The following BMPER variants were observed in gnomAD, a reference collection of about 807,000 sequenced individuals.
BMPER encodes the protein BMP-binding endothelial regulator protein.
A neutral mutation model predicts 87.3 loss-of-function variants in BMPER; 45 were observed. That is an observed-to-expected ratio of 0.52 (90% CI 0.41 to 0.66). BMPER has a LOEUF of 0.66. Among genes scored for constraint, BMPER ranks in the 30% least tolerant of loss-of-function variants. BMPER has a pLI of 0.00. For synonymous variants in BMPER, 326 were observed against 316.2 expected, an observed-to-expected ratio of 1.03 and a Z score of -0.33; for missense variants, 784 against 867.5, an observed-to-expected ratio of 0.90 and a Z score of 1.21.
rs150003345 is a variant in BMPER at position 33,944,363 on chromosome 7, C to T, written c.319+6975C>T. On this transcript the variant is annotated intron_variant, in intron 3 of 14. Transcript: ENST00000649409. ...TGTATTTTTAGTAGAGATGAGGTTT[C>T]GCTGTGTTGGCCAGGCTCATTTCCA... Among the ~76,000 whole-genome samples, 432 of 152,060 alleles carry T rather than the reference C, an allele frequency of 2.8e-3. 1 individual carries two copies. The highest frequency in any genetic ancestry group is 1.0e-2 in the African/African-American group (414 of 41,480).
rs143121009 is a variant in BMPER, at chr7:34,075,546, C to A, written c.1079-3311C>A. Among the ~76,000 whole-genome samples the A allele has an allele frequency of 1.5e-3, 221 of 152,290 alleles. 3 individuals carry two copies. The highest frequency in any genetic ancestry group is 5.0e-3 in the African/African-American group (207 of 41,566). On this transcript the variant is annotated intron_variant, in intron 11 of 14. Coordinates refer to ENST00000649409, the MANE Select transcript of BMPER (RefSeq NM_001365308.1). The stretch of plus-strand genomic sequence containing the variant: ...TAATGATTTGACCTACAGGACTATG[C>A]AAAAATGTGCCACCAGTCATAAGCT...
chr7:33,990,552 CA>C (rs1220141278), intron 6 of BMPER, among the ~76,000 whole-genome samples: 1 of 151,200 alleles, frequency 6.6e-6, no homozygotes, highest in African/African-American at 2.4e-5. Flanking sequence ...ACAATCATGT[CA>C]TCTGCAAACA....
At chr7:34,027,429 T>C (rs999900576) in intron 6 of BMPER, among the ~76,000 whole-genome samples, 4 of 152,078 alleles carry the variant, frequency 2.6e-5, no homozygotes, top group Admixed American at 2.6e-4. Flanking sequence ...AAAAATCTCC[T>C]AGATGAAACT....
At chr7:34,129,944 C>T (rs1359700892) in intron 13 of BMPER, among the ~76,000 whole-genome samples, 4 of 152,116 alleles carry the variant, frequency 2.6e-5, no homozygotes, top group South Asian at 2.1e-4. Context: ...CCTATGTTGT[C>T]GTATATGAAT....
intron 6 of BMPER, among the ~76,000 whole-genome samples, chr7:34,020,624 T>C (rs991509404): frequency 6.6e-6 from 1 of 151,814 alleles, no homozygotes; most frequent in Non-Finnish European, 1.5e-5. Flanking sequence ...TGGATCAGAT[T>C]TGGAGAAAAT....
intron 13 of BMPER, among the ~76,000 whole-genome samples, chr7:34,111,377 G>T (rs971978318): frequency 1.3e-5 from 2 of 152,206 alleles, no homozygotes; most frequent in African/African-American, 4.8e-5. Context: ...AATATGGTTT[G>T]TCTGCACAAT....
chr7:34,037,504 T>C (rs563017046), intron 6 of BMPER, among the ~76,000 whole-genome samples: 36 of 151,798 alleles, frequency 2.4e-4, no homozygotes, highest in Non-Finnish European at 4.7e-4. Flanking sequence ...GCAAACATGG[T>C]TAAACTCTTT....
chr7:33,957,811 T>G (rs1374232312), intron 3 of BMPER, among the ~76,000 whole-genome samples: 1 of 152,194 alleles, frequency 6.6e-6, no homozygotes, highest in Non-Finnish European at 1.5e-5. Flanking sequence ...GGTGGAATAT[T>G]TTTGACAATT....
chr7:33,926,173 G>A (rs1784355525), intron 2 of BMPER, among the ~76,000 whole-genome samples: 1 of 152,200 alleles, frequency 6.6e-6, no homozygotes, highest in Admixed American at 6.5e-5. Context: ...TACCTGGCCT[G>A]CCATAGGGGC....
At chr7:33,923,476 T>G (rs1784283865) in intron 2 of BMPER, among the ~76,000 whole-genome samples, 1 of 152,152 alleles carries the variant, frequency 6.6e-6, no homozygotes, top group African/African-American at 2.4e-5. Flanking sequence ...TCAAATCAGA[T>G]TTCCTCTGAG....
intron 13 of BMPER, among the ~76,000 whole-genome samples, chr7:34,116,847 G>A (rs978848494): frequency 5.3e-5 from 8 of 152,134 alleles, no homozygotes; most frequent in Admixed American, 1.3e-4. Flanking sequence ...AAAATGAGCC[G>A]GGTGTGGTGG....
chr7:34,137,188 C>G (rs1380759956), intron 13 of BMPER, among the ~76,000 whole-genome samples: 1 of 152,074 alleles, frequency 6.6e-6, no homozygotes. Flanking sequence ...TTCCACCAGT[C>G]ATTAAATTAA....
In BMPER at chr7:34,028,601, G is replaced by GTTTTTTTT; in HGVS notation, c.577-17680_577-17673dup. On this transcript the variant is annotated intron_variant, in intron 6 of 14. Coordinates refer to ENST00000649409, the MANE Select transcript of BMPER (RefSeq NM_001365308.1). ...ACATACAGTCCAAATCATTTTTTCT[G>GTTTTTTTT]TTTTTTTTTTTTTTTTTTTTTTTTT... Among the ~76,000 whole-genome samples, 312 of 36,062 alleles carry GTTTTTTTT rather than the reference G, an allele frequency of 8.7e-3. 56 individuals carry two copies. The highest frequency in any genetic ancestry group is 0.016 in the East Asian group (13 of 822). 23.7% of individuals were successfully genotyped at this position (36,062 alleles called of 152,430 possible).
rs551851524 is a variant in BMPER at position 33,996,871 on chromosome 7, G to T, written c.576+22087G>T. On this transcript the variant is annotated intron_variant, in intron 6 of 14. Coordinates refer to ENST00000649409, the MANE Select transcript of BMPER (RefSeq NM_001365308.1). Reference sequence around the variant, plus strand: ...GATATCTTACATTCTCTTTATTTTTGTACTAAGACTTTAAATTCCAGTGTG... The same window carrying T: ...GATATCTTACATTCTCTTTATTTTTTTACTAAGACTTTAAATTCCAGTGTG... Among the ~76,000 whole-genome samples the T allele has an allele frequency of 2.9e-4, 44 of 151,944 alleles. 1 individual carries two copies. In the South Asian group the frequency reaches 8.4e-3, roughly 29 times the overall value.
chr7:34,029,075 G>C (rs1488973446), intron 6 of BMPER, among the ~76,000 whole-genome samples: 1 of 152,006 alleles, frequency 6.6e-6, no homozygotes, highest in East Asian at 1.9e-4. Flanking sequence ...ATTTCAAGTA[G>C]GGAAGGTAGA....
chr7:34,101,912 C>T (rs575592572), intron 13 of BMPER, among the ~76,000 whole-genome samples: 22 of 152,290 alleles, frequency 1.4e-4, no homozygotes, highest in African/African-American at 5.3e-4. Context: ...ATTTTGATGG[C>T]GTCCCTTGTT....
At chr7:34,149,195 C>A (rs1253902806) in intron 14 of BMPER, among the ~76,000 whole-genome samples, 1 of 152,170 alleles carries the variant, frequency 6.6e-6, no homozygotes, top group Non-Finnish European at 1.5e-5. Flanking sequence ...TTAAAATCAA[C>A]AGCTGCACAG....
chr7:33,954,408 T>A (rs1198773608), intron 3 of BMPER, among the ~76,000 whole-genome samples: 1 of 152,224 alleles, frequency 6.6e-6, no homozygotes, highest in African/African-American at 2.4e-5. Context: ...TAAACTGTGA[T>A]GTGCTGAAGT....
At chr7:34,127,533 T>C (rs768245039) in intron 13 of BMPER, among the ~76,000 whole-genome samples, 8 of 152,038 alleles carry the variant, frequency 5.3e-5, no homozygotes, top group Non-Finnish European at 1.2e-4. Flanking sequence ...TTGTTGAACA[T>C]TTACCACCAC....
Sources: allele counts gnomAD v4.1 joint callset (sites outside exome capture counted in the v4.1 genomes callset), GRCh38; gene constraint gnomAD v4.1.1; transcripts MANE v1.5; gene names NCBI Gene and HGNC (gene_info 2026-07-23, HGNC 2026-07-21).